FBP1: variants seen among roughly 807,000 people sequenced by gnomAD.
FBP1 encodes fructose-1,6-bisphosphatase 1.
FBP1 carries 22 observed loss-of-function variants against 29.9 expected under a neutral mutation model. The ratio of observed to expected loss-of-function variants is 0.74; its 90% CI spans 0.53 to 1.05. FBP1 has a LOEUF of 1.05. Among genes scored for constraint, FBP1 ranks in the 50% least tolerant of loss-of-function variants. The pLI is 0.00. For synonymous variants in FBP1, 175 were observed against 178.6 expected, an observed-to-expected ratio of 0.98 and a Z score of 0.16; for missense variants, 345 against 448.2, an observed-to-expected ratio of 0.77 and a Z score of 2.08.
chr9:94,615,849 A>C (rs1181949116), intron 3 of FBP1, among the ~76,000 whole-genome samples: 5 of 144,552 alleles, frequency 3.5e-5, no homozygotes, highest in Non-Finnish European at 6.0e-5. Flanking sequence ...TTTTTTTGAG[A>C]CGGAGTCTAG....
At chr9:94,627,549 C>T (rs1369544875) in intron 1 of FBP1, among the ~76,000 whole-genome samples, 1 of 152,094 alleles carries the variant, frequency 6.6e-6, no homozygotes, top group Admixed American at 6.6e-5. Flanking sequence ...TGAGCCCTAG[C>T]GAATGCAGCG....
intron 3 of FBP1, among the ~76,000 whole-genome samples, chr9:94,613,764 CAAAAAAAAG>C (rs1332759347): frequency 7.4e-6 from 1 of 134,878 alleles, no homozygotes; most frequent in Non-Finnish European, 1.5e-5. Context: ...GACCTTGTCT[CAAAAAAAAG>C]AAAAAAAAGA....
chr9:94,631,671 T>C (rs757544053), intron 1 of FBP1, among the ~76,000 whole-genome samples: 5 of 152,180 alleles, frequency 3.3e-5, no homozygotes, highest in Admixed American at 6.5e-5. Context: ...AGTAACACGA[T>C]TGCAGCAGCA....
chr9:94,603,726 C>T, intron 6 of FBP1, 154 bp from the exon 7 acceptor site: 1 of 731,164 alleles, frequency 1.4e-6, no homozygotes. Context: ...AGTTTCCTCC[C>T]ACCCCAGGTT....
At chr9:94,619,874 CAAAAAAAAAAAAAAA>C (rs56722632) in intron 2 of FBP1, among the ~76,000 whole-genome samples, 82 of 99,146 alleles carry the variant, frequency 8.3e-4, no homozygotes, top group Non-Finnish European at 7.9e-4. Context: ...AACACTGTCT[CAAAAAAAAAAAAAAA>C]AAAAAAAAAA....
At chr9:94,607,079 G>T in intron 4 of FBP1, 127 bp from the exon 5 acceptor site, 1 of 1,205,050 alleles carries the variant, frequency 8.3e-7, no homozygotes, top group Non-Finnish European at 1.2e-6. Context: ...CACTCATCTT[G>T]GGGCCCCGAG....
rs769455009 is a variant in FBP1, at chr9:94,605,442, A to T, written c.825+15T>A. 2.5e-6 allele frequency: 4 copies of T among 1,612,700 alleles called. No homozygotes were observed. The East Asian group carries it at 6.7e-5, about 27-fold the overall frequency. On this transcript the variant is annotated intron_variant, in intron 6 of 6. Coordinates refer to ENST00000375326, the MANE Select transcript of FBP1 (RefSeq NM_000507.4). Reference sequence around the variant, plus strand: ...GAAATCTGCTCCTCACTCCCTCTCCAGGGGACACCCTTACCTTTCCATTGG... The same window carrying T: ...GAAATCTGCTCCTCACTCCCTCTCCTGGGGACACCCTTACCTTTCCATTGG...
intron 1 of FBP1, among the ~76,000 whole-genome samples, chr9:94,622,488 C>T (rs778101952): frequency 3.3e-5 from 5 of 152,236 alleles, no homozygotes; most frequent in Non-Finnish European, 5.9e-5. Context: ...ACATAACTCG[C>T]TGTGACTGGC....
intron 3 of FBP1, among the ~76,000 whole-genome samples, chr9:94,612,631 A>T (rs1245205265): frequency 7.1e-6 from 1 of 140,306 alleles, no homozygotes; most frequent in Non-Finnish European, 1.5e-5. Context: ...ATCTTGGCTC[A>T]CTACAACCTC....
intron 1 of FBP1, among the ~76,000 whole-genome samples, chr9:94,627,863 A>C (rs1460659882): frequency 1.3e-5 from 2 of 152,186 alleles, no homozygotes; most frequent in Non-Finnish European, 2.9e-5. Flanking sequence ...CCTTACAATT[A>C]AAGGAGAGGA....
chr9:94,636,979 C>G (rs1300828774), intron 1 of FBP1, among the ~76,000 whole-genome samples: 1 of 152,058 alleles, frequency 6.6e-6, no homozygotes, highest in African/African-American at 2.4e-5. Context: ...TGTGAGCCAC[C>G]ACACCCAGTC....
intron 4 of FBP1, 64 bp from the exon 5 acceptor site, chr9:94,607,016 G>A: frequency 1.2e-6 from 2 of 1,608,510 alleles, no homozygotes. Flanking sequence ...AGGCCTGGAT[G>A]AGGCGAGCGA....
At chr9:94,621,398 A>AAAAAAAAAAT (rs58726402) in intron 1 of FBP1, among the ~76,000 whole-genome samples, 15 of 146,190 alleles carry the variant, frequency 1.0e-4, no homozygotes, top group African/African-American at 3.7e-4. Flanking sequence ...TCCGTCTAAA[A>AAAAAAAAAAT]ATATATATAT....
chr9:94,609,757 C>T (rs1827754449), intron 4 of FBP1, among the ~76,000 whole-genome samples, 164 bp downstream of exon 4: 1 of 152,188 alleles, frequency 6.6e-6, no homozygotes, highest in Non-Finnish European at 1.5e-5. Flanking sequence ...GGGAGGCATA[C>T]ACTCTCTCTT....
intron 4 of FBP1, among the ~76,000 whole-genome samples, chr9:94,609,609 ACTTC>A (rs1360226121): frequency 6.6e-6 from 1 of 151,626 alleles, no homozygotes; most frequent in Non-Finnish European, 1.5e-5. Context: ...TCCCCAGCAC[ACTTC>A]ATCATCCCTA....
At chr9:94,604,504 C>T (rs185343846) in intron 6 of FBP1, among the ~76,000 whole-genome samples, 32 of 146,768 alleles carry the variant, frequency 2.2e-4, no homozygotes, top group Admixed American at 4.8e-4. Flanking sequence ...AAAAAGGCAG[C>T]CACGCGTGGT....
intron 1 of FBP1, among the ~76,000 whole-genome samples, chr9:94,638,504 C>T (rs933728573): frequency 6.6e-6 from 1 of 152,178 alleles, no homozygotes; most frequent in African/African-American, 2.4e-5. Context: ...CTGGGTGTTT[C>T]CTGTTTCTGG....
intron 3 of FBP1, among the ~76,000 whole-genome samples, chr9:94,613,327 C>A (rs1827812621): frequency 6.6e-6 from 1 of 152,144 alleles, no homozygotes; most frequent in Non-Finnish European, 1.5e-5. Context: ...AACACTGTTT[C>A]CAAACATGTC....
intron 1 of FBP1, among the ~76,000 whole-genome samples, chr9:94,638,632 G>C (rs1461037253): frequency 6.6e-5 from 3 of 45,422 alleles, no homozygotes; most frequent in Admixed American, 2.4e-4. Flanking sequence ...TTGCGGGGGG[G>C]GCGGGGGGGA....
Sources: allele counts gnomAD v4.1 joint callset (sites outside exome capture counted in the v4.1 genomes callset), GRCh38; gene constraint gnomAD v4.1.1; transcripts MANE v1.5; gene names NCBI Gene and HGNC (gene_info 2026-07-23, HGNC 2026-07-21).